The following LRP1B variants were observed in gnomAD, a reference collection of about 807,000 sequenced individuals.
The protein encoded by LRP1B is low-density lipoprotein receptor-related protein 1B.
Under a neutral mutation model 556.6 loss-of-function variants are expected in LRP1B, and 217 were observed. That is an observed-to-expected ratio of 0.39 (90% CI 0.35 to 0.44). The LOEUF (loss-of-function observed/expected upper bound fraction) is 0.44. Among genes scored for constraint, LRP1B ranks in the 20% least tolerant of loss-of-function variants. The pLI is 1.00. For synonymous variants in LRP1B, 2,047 were observed against 1,865.8 expected, an observed-to-expected ratio of 1.10 and a Z score of -2.50; for missense variants, 5,053 against 5,620.8, an observed-to-expected ratio of 0.90 and a Z score of 3.23.
chr2:140,315,812 A>G (rs1207709672), intron 82 of LRP1B, among the ~76,000 whole-genome samples: 4 of 152,198 alleles, frequency 2.6e-5, no homozygotes, highest in Admixed American at 1.3e-4. Context: ...TACATAGTAT[A>G]GAGAAATGTT....
intron 86 of LRP1B, 117 bp from the exon 87 acceptor site, chr2:140,247,279 T>A: frequency 2.9e-6 from 2 of 682,524 alleles, no homozygotes; most frequent in Non-Finnish European, 5.4e-6. Context: ...CACAAATTCA[T>A]AAATATTACA....
intron 7 of LRP1B, among the ~76,000 whole-genome samples, chr2:141,068,245 G>A (rs527562762): frequency 3.8e-4 from 58 of 152,096 alleles, no homozygotes; most frequent in African/African-American, 1.3e-3. Flanking sequence ...AATAGAGGAC[G>A]CAGACATACA....
chr2:140,642,570 G>A (rs892405086), intron 41 of LRP1B, among the ~76,000 whole-genome samples: 3 of 152,130 alleles, frequency 2.0e-5, no homozygotes, highest in Admixed American at 2.0e-4. Context: ...GGCCGGGCAC[G>A]GTGGCTCACA....
At chr2:140,566,876 G>T (rs1157311737) in intron 43 of LRP1B, among the ~76,000 whole-genome samples, 1 of 152,140 alleles carries the variant, frequency 6.6e-6, no homozygotes, top group African/African-American at 2.4e-5. Flanking sequence ...CACCCACAGT[G>T]ATCATGCACA....
chr2:140,715,884 C>T (rs566909764), intron 37 of LRP1B, 89 bp downstream of exon 37: 2 of 1,072,440 alleles, frequency 1.9e-6, no homozygotes, highest in Non-Finnish European at 2.6e-6. Flanking sequence ...TTGTCTCAGA[C>T]ATTACAGCTA....
chr2:140,522,627 G>A (rs1424722572), intron 49 of LRP1B, among the ~76,000 whole-genome samples: 1 of 151,490 alleles, frequency 6.6e-6, no homozygotes, highest in Non-Finnish European at 1.5e-5. Flanking sequence ...GAAATAAAAT[G>A]CTGGTTCTTT....
chr2:140,848,961 A>G (rs551389245), intron 29 of LRP1B, among the ~76,000 whole-genome samples: 127 of 152,200 alleles, frequency 8.3e-4, no homozygotes, highest in African/African-American at 3.0e-3. Context: ...TAGAACCTAT[A>G]ATTCAACCTG....
chr2:140,937,078 C>T (rs1276399165), intron 20 of LRP1B, among the ~76,000 whole-genome samples: 1 of 151,806 alleles, frequency 6.6e-6, no homozygotes, highest in Non-Finnish European at 1.5e-5. Context: ...CCATGATAAC[C>T]ACAAAGATAA....
At chr2:141,566,221 C>T (rs1686326669) in intron 2 of LRP1B, among the ~76,000 whole-genome samples, 1 of 148,992 alleles carries the variant, frequency 6.7e-6, no homozygotes, top group Non-Finnish European at 1.5e-5. Flanking sequence ...TCTGCAGAAA[C>T]AACAACAAAA....
chr2:141,360,528 T>G (rs147148675), intron 3 of LRP1B, among the ~76,000 whole-genome samples: 2 of 152,364 alleles, frequency 1.3e-5, no homozygotes, highest in African/African-American at 4.8e-5. Flanking sequence ...TCTTTACTTT[T>G]GTTCTTTCTT....
rs1326907704 is a variant in LRP1B at position 141,878,141 on chromosome 2, CT to C, written c.83-67741del. ...ATTTACTTCTTAAAACATAGAAAGACTTTTTTTTTCCTTTTCCTCACATCTC... is the reference window on the plus strand; with the variant it reads ...ATTTACTTCTTAAAACATAGAAAGACTTTTTTTTCCTTTTCCTCACATCTC... On this transcript the variant is annotated intron_variant, in intron 1 of 90. Transcript: ENST00000389484. 4.6e-5 allele frequency among the ~76,000 whole-genome samples: 7 copies of C among 151,170 alleles called. No homozygotes were observed. In the South Asian group the frequency reaches 8.4e-4, roughly 18 times the overall value.
At chr2:140,296,727 A>T (rs899462103) in intron 84 of LRP1B, among the ~76,000 whole-genome samples, 22 of 152,338 alleles carry the variant, frequency 1.4e-4, no homozygotes, top group Non-Finnish European at 1.0e-4. Flanking sequence ...AAGTAGATGT[A>T]AAATAAGAAT....
intron 41 of LRP1B, among the ~76,000 whole-genome samples, chr2:140,640,383 C>CA (rs1684242515): frequency 2.1e-5 from 1 of 48,464 alleles, no homozygotes; most frequent in South Asian, 1.1e-3. Flanking sequence ...GTCCTGTTTT[C>CA]TTTTTTTTTT....
chr2:141,028,678 T>G (rs962850044), intron 11 of LRP1B, among the ~76,000 whole-genome samples: 2 of 152,218 alleles, frequency 1.3e-5, no homozygotes, highest in African/African-American at 4.8e-5. Flanking sequence ...AAATCATCAT[T>G]CTTTAATGAT....
intron 3 of LRP1B, among the ~76,000 whole-genome samples, chr2:141,351,041 C>A (rs865892598): frequency 6.6e-6 from 1 of 151,964 alleles, no homozygotes; most frequent in African/African-American, 2.4e-5. Context: ...ATCATTATAA[C>A]GGGTACACTT....
chr2:141,323,214 T>C (rs1291617603), intron 3 of LRP1B, among the ~76,000 whole-genome samples: 1 of 152,068 alleles, frequency 6.6e-6, no homozygotes, highest in African/African-American at 2.4e-5. Context: ...CCTATATTTT[T>C]CCACCTTAAA....
rs886929780 is a variant in LRP1B at position 141,029,474 on chromosome 2, T to C, written c.1790-9372A>G. ...TTATCTTGCTACTCACATAGGCAGC[T>C]AAGTAAGTCAAGGGGACCACAGGGT... On this transcript the variant is annotated intron_variant, in intron 11 of 90. Coordinates refer to ENST00000389484, the MANE Select transcript of LRP1B (RefSeq NM_018557.3). 2.6e-5 allele frequency among the ~76,000 whole-genome samples: 4 copies of C among 152,260 alleles called. No individual in the cohort carries two copies. In the South Asian group the frequency reaches 6.2e-4, roughly 24 times the overall value.
At chr2:140,888,356 C>T (rs1693701414) in intron 23 of LRP1B, among the ~76,000 whole-genome samples, 1 of 151,842 alleles carries the variant, frequency 6.6e-6, no homozygotes, top group South Asian at 2.1e-4. Flanking sequence ...TGAATTAACT[C>T]AAATTTGAAA....
chr2:142,101,521 T>C (rs1219027722), intron 1 of LRP1B, among the ~76,000 whole-genome samples: 3 of 152,070 alleles, frequency 2.0e-5, no homozygotes, highest in African/African-American at 7.2e-5. Flanking sequence ...CCTGATGATA[T>C]AGGATTCTAG....
Sources: gnomAD v4.1 joint callset for allele counts (sites outside exome capture counted in the v4.1 genomes callset) on GRCh38, gnomAD v4.1.1 for gene constraint, MANE v1.5 for transcripts, NCBI Gene and HGNC (gene_info 2026-07-23, HGNC 2026-07-21) for gene names.